The following EXT1 variants were observed in gnomAD, a reference collection of about 807,000 sequenced individuals.
EXT1 encodes exostosin glycosyltransferase 1, also known as exostosin-1.
EXT1 carries 20 observed loss-of-function variants against 82.5 expected under a neutral mutation model. That is an observed-to-expected ratio of 0.24 (90% CI 0.17 to 0.35). EXT1 has a LOEUF of 0.35. Ranked by LOEUF, EXT1 falls within the 10% of genes least tolerant of loss-of-function variation. The probability of loss-of-function intolerance (pLI) is 1.00; values close to 1 mark genes in which losing one functional copy is unlikely to be tolerated. For synonymous variants in EXT1, 348 were observed against 350.8 expected (o/e 0.99, Z 0.09); for missense variants, 757 against 936.5 (o/e 0.81, Z 2.50).
chr8:117,807,096 C>T lies in EXT1; in HGVS notation c.1883+121G>A, dbSNP rs529130654. 4.5e-4 allele frequency: 545 copies of T among 1,200,002 alleles called. 10 individuals are homozygous for T. In the South Asian group the frequency reaches 5.5e-3, roughly 12 times the overall value. The allele number at this position is 1,200,002 out of a possible 1,614,324, so 74.3% of individuals were successfully genotyped here. A position where few individuals can be genotyped will look rare whatever the true frequency, so the allele number is the denominator to read the frequency against. Reference sequence around the variant, plus strand: ...ATTTGACACATCAGCAAAACTTAAGCGGGGATACAGACTAATTTTCCTCAA... The same window carrying T: ...ATTTGACACATCAGCAAAACTTAAGTGGGGATACAGACTAATTTTCCTCAA... On this transcript the variant is annotated intron_variant, in intron 9 of 10. Coordinates refer to ENST00000378204, the MANE Select transcript of EXT1 (RefSeq NM_000127.3).
At position 117,990,937 on chromosome 8, in the gene EXT1, G is replaced by A. The variant is rs919337981; in HGVS notation, c.962+119148C>T. 1.6e-4 allele frequency among the ~76,000 whole-genome samples: 24 copies of A among 152,144 alleles called. 1 individual carries two copies. Among genetic ancestry groups the A allele is most frequent in the African/African-American group, 5.6e-4 (23 of 41,428 alleles). ...CTGCTCCAACACAAGAGCCTATGCAGCCAGGTACTAGACTTGCACTCTTTC... is the reference window on the plus strand; with the variant it reads ...CTGCTCCAACACAAGAGCCTATGCAACCAGGTACTAGACTTGCACTCTTTC... On this transcript the variant is annotated intron_variant, in intron 1 of 10. Coordinates refer to ENST00000378204, the MANE Select transcript of EXT1 (RefSeq NM_000127.3).
At chr8:118,059,927 G>A (rs1049946718) in intron 1 of EXT1, among the ~76,000 whole-genome samples, 1 of 152,148 alleles carries the variant, frequency 6.6e-6, no homozygotes, top group Non-Finnish European at 1.5e-5. Context: ...CCATGCAGGT[G>A]AACACAGGGA....
At chr8:117,867,166 G>A (rs899305678) in intron 1 of EXT1, among the ~76,000 whole-genome samples, 8 of 147,612 alleles carry the variant, frequency 5.4e-5, no homozygotes, top group Non-Finnish European at 1.2e-4. Flanking sequence ...GGCTGAGGCA[G>A]AAGAACTGCT....
chr8:118,046,290 T>C (rs1278668442), intron 1 of EXT1, among the ~76,000 whole-genome samples: 1 of 152,124 alleles, frequency 6.6e-6, no homozygotes, highest in Non-Finnish European at 1.5e-5. Context: ...AACTTACTAT[T>C]GATGTTTTGG....
intron 1 of EXT1, among the ~76,000 whole-genome samples, chr8:117,990,497 A>AATATTC (rs1444579102): frequency 3.9e-5 from 6 of 152,208 alleles, no homozygotes; most frequent in African/African-American, 4.8e-5. Flanking sequence ...TATTCACCTG[A>AATATTC]ACCTATGCCT....
intron 1 of EXT1, among the ~76,000 whole-genome samples, chr8:118,078,873 A>G (rs1363741171): frequency 6.6e-6 from 1 of 152,226 alleles, no homozygotes; most frequent in Non-Finnish European, 1.5e-5. Flanking sequence ...TGAGAACACA[A>G]AGAACAGTCA....
At position 118,045,801 on chromosome 8, in the gene EXT1, T is replaced by TC. The variant is rs546293166; in HGVS notation, c.962+64283dup. 4.2e-3 allele frequency among the ~76,000 whole-genome samples: 636 copies of TC among 151,878 alleles called. 3 individuals carry two copies. Among genetic ancestry groups the TC allele is most frequent in the African/African-American group, 0.014 (588 of 41,364 alleles). On this transcript the variant is annotated intron_variant, in intron 1 of 10. Transcript: ENST00000378204. The stretch of plus-strand genomic sequence containing the variant: ...GGATGGACTGGATGTCTTTTTTTTT[T>TC]CTTTTCTTTTTTGAGACAGAGTCTC...
intron 1 of EXT1, among the ~76,000 whole-genome samples, chr8:117,845,896 A>T (rs1426191019): frequency 6.6e-6 from 1 of 152,366 alleles, no homozygotes; most frequent in South Asian, 2.1e-4. Flanking sequence ...CCCAGTTTAC[A>T]GATGATGAAG....
At chr8:117,959,801 A>G (rs1172846002) in intron 1 of EXT1, among the ~76,000 whole-genome samples, 1 of 152,248 alleles carries the variant, frequency 6.6e-6, no homozygotes, top group Non-Finnish European at 1.5e-5. Context: ...GCCTAAGTTC[A>G]TAATCCACTT....
At chr8:118,056,075 G>GAA (rs34797595) in intron 1 of EXT1, among the ~76,000 whole-genome samples, 117 of 150,724 alleles carry the variant, frequency 7.8e-4, no homozygotes, top group African/African-American at 2.7e-3. Flanking sequence ...GATGAGCTAG[G>GAA]AAAAAAAAAA....
At chr8:117,982,131 C>T (rs1027316885) in intron 1 of EXT1, among the ~76,000 whole-genome samples, 3 of 152,174 alleles carry the variant, frequency 2.0e-5, no homozygotes, top group Non-Finnish European at 4.4e-5. Context: ...CATAGTGTGG[C>T]TGCTTTCTCT....
intron 1 of EXT1, among the ~76,000 whole-genome samples, chr8:117,854,109 G>T (rs866560998): frequency 3.5e-4 from 53 of 152,326 alleles, no homozygotes; most frequent in African/African-American, 1.2e-3. Flanking sequence ...ACATCTTTCT[G>T]CTATGGTGAC....
chr8:117,883,444 G>T (rs941151771), intron 1 of EXT1, among the ~76,000 whole-genome samples: 8 of 152,146 alleles, frequency 5.3e-5, no homozygotes, highest in South Asian at 2.1e-4. Flanking sequence ...TATCCTTATT[G>T]CCCTGGATGG....
chr8:118,059,794 TACTC>T (rs1452297494), intron 1 of EXT1, among the ~76,000 whole-genome samples: 1 of 152,234 alleles, frequency 6.6e-6, no homozygotes, highest in African/African-American at 2.4e-5. Context: ...AATCCCATAA[TACTC>T]ACCATGTTTG....
At chr8:117,894,383 T>C (rs17475246) in intron 1 of EXT1, among the ~76,000 whole-genome samples, 3,413 of 152,196 alleles carry the variant, frequency 0.022, 137 homozygotes, top group African/African-American at 0.079. Context: ...GCTGGTCCTG[T>C]TGGTGTTGTG....
At chr8:117,938,136 A>T (rs1397226830) in intron 1 of EXT1, among the ~76,000 whole-genome samples, 2 of 152,192 alleles carry the variant, frequency 1.3e-5, no homozygotes, top group Non-Finnish European at 2.9e-5. Context: ...CCACTATGAT[A>T]GCCCTTGTCT....
Position 117,852,377 on chromosome 8 carries a change from T to C in EXT1, c.963-15176A>G, listed in dbSNP as rs536338363. Among the ~76,000 whole-genome samples the C allele has an allele frequency of 2.6e-5, 4 of 152,346 alleles. No individual in the cohort carries two copies. The East Asian group carries it at 7.7e-4, about 29-fold the overall frequency. On this transcript the variant is annotated intron_variant, in intron 1 of 10. Coordinates refer to ENST00000378204, the MANE Select transcript of EXT1 (RefSeq NM_000127.3). Reference sequence around the variant, plus strand: ...CTGACATGGGGAGAGAGCTTTTATGTGGCTCTGAATAAGAGATAACATCTT... The same window carrying C: ...CTGACATGGGGAGAGAGCTTTTATGCGGCTCTGAATAAGAGATAACATCTT...
chr8:117,909,764 A>T (rs1403626372), intron 1 of EXT1, among the ~76,000 whole-genome samples: 1 of 151,600 alleles, frequency 6.6e-6, no homozygotes, highest in Non-Finnish European at 1.5e-5. Flanking sequence ...TTGTAAATTA[A>T]TTTTTTTTTA....
rs536707833 is a variant in EXT1 at position 117,964,599 on chromosome 8, T to C, written c.963-127398A>G. Among the ~76,000 whole-genome samples, 514 of 141,020 alleles carry C rather than the reference T, an allele frequency of 3.6e-3. 5 individuals carry two copies. Among genetic ancestry groups the C allele is most frequent in the African/African-American group, 0.014 (484 of 33,604 alleles). 92.5% of individuals were successfully genotyped at this position (141,020 alleles called of 152,430 possible). A position where few individuals can be genotyped will look rare whatever the true frequency, so the allele number is the denominator to read the frequency against. On this transcript the variant is annotated intron_variant, in intron 1 of 10. Transcript: ENST00000378204. ...AATTTCACAGAAAGAGAAATTTTTG[T>C]GGGTTTTATGTCTGTGTGTGTGTGT... is the stretch of plus-strand genomic sequence containing the variant.
Sources: allele counts gnomAD v4.1 joint callset (sites outside exome capture counted in the v4.1 genomes callset), GRCh38; gene constraint gnomAD v4.1.1; transcripts MANE v1.5; gene names NCBI Gene and HGNC (gene_info 2026-07-23, HGNC 2026-07-21).